Variants in GPR137C observed in about 807,000 individuals in gnomAD.
GPR137C encodes the protein integral membrane protein GPR137C.
GPR137C carries 27 observed loss-of-function variants against 43.4 expected under a neutral mutation model. That is an observed-to-expected ratio of 0.62 (90% CI 0.46 to 0.86). The LOEUF is 0.86. Among genes scored for constraint, GPR137C ranks in the 40% least tolerant of loss-of-function variants. The pLI is 0.00. For missense variants in GPR137C, 522 were observed against 534.6 expected, an observed-to-expected ratio of 0.98 and a Z score of 0.23; for synonymous variants, 285 against 226.9, an observed-to-expected ratio of 1.26 and a Z score of -2.30.
intron 1 of GPR137C, among the ~76,000 whole-genome samples, chr14:52,594,922 T>C (rs2038833109): frequency 6.6e-6 from 1 of 152,244 alleles, no homozygotes; most frequent in Admixed American, 6.5e-5. Flanking sequence ...ATTGATGATC[T>C]GTATAATTTG....
intron 3 of GPR137C, among the ~76,000 whole-genome samples, chr14:52,630,504 G>A (rs1241266109): frequency 3.3e-5 from 5 of 151,960 alleles, no homozygotes; most frequent in Admixed American, 6.6e-5. Flanking sequence ...GAAAATTTTA[G>A]CCTTAATTTT....
chr14:52,553,929 TAGC>T (rs990654480), intron 1 of GPR137C, among the ~76,000 whole-genome samples: 1 of 152,130 alleles, frequency 6.6e-6, no homozygotes, highest in African/African-American at 2.4e-5. Context: ...TCGCAAGAAG[TAGC>T]AGCCCCGGTG....
intron 3 of GPR137C, among the ~76,000 whole-genome samples, chr14:52,624,605 T>G (rs927209154): frequency 6.6e-6 from 1 of 151,552 alleles, no homozygotes; most frequent in Admixed American, 6.6e-5. Flanking sequence ...GCACCTGTAG[T>G]CCCAGCTGCT....
intron 3 of GPR137C, among the ~76,000 whole-genome samples, chr14:52,606,010 G>A (rs373143684): frequency 1.3e-5 from 2 of 152,058 alleles, no homozygotes; most frequent in African/African-American, 4.8e-5. Flanking sequence ...GTTTTTTGTT[G>A]TTTGTCTCTT....
intron 1 of GPR137C, among the ~76,000 whole-genome samples, chr14:52,575,447 A>G (rs1393847381): frequency 1.3e-5 from 2 of 152,220 alleles, no homozygotes; most frequent in East Asian, 3.8e-4. Flanking sequence ...TCGGGCATGT[A>G]AAGTTACCTA....
chr14:52,627,797 T>C (rs1166861527), intron 3 of GPR137C, among the ~76,000 whole-genome samples: 1 of 152,062 alleles, frequency 6.6e-6, no homozygotes, highest in African/African-American at 2.4e-5. Context: ...TGAGCCAAGA[T>C]CACACCACTG....
chr14:52,570,151 C>T (rs1404482901), intron 1 of GPR137C, among the ~76,000 whole-genome samples: 1 of 152,206 alleles, frequency 6.6e-6, no homozygotes, highest in Non-Finnish European at 1.5e-5. Context: ...TATCTCTCTG[C>T]AGAAACCCTA....
At position 52,553,428 on chromosome 14, in the gene GPR137C, C is replaced by G; in HGVS notation, c.281C>G (p.Ala94Gly). Residue 94 changes from alanine to glycine, a missense_variant, in exon 1 of 7, where the codon GCG becomes GGG. Around this residue, in one of 3 missense-constraint regions of GPR137C, gnomAD observed 437 missense variants for 425.7 expected, o/e 1.03. Transcript: ENST00000321662. ...CTCTTCCTCTGTCTCCTGTGGGCAG[C>G]GCTCAGGACCACCCTCTTCTCCGCC... ...LCLFLCLLWA[A>G]LRTTLFSAAF... The G allele has an allele frequency of 6.2e-7, 1 of 1,608,986 alleles. No homozygotes were observed. The highest frequency in any genetic ancestry group is 8.5e-7 in the Non-Finnish European group (1 of 1,179,808).
intron 3 of GPR137C, among the ~76,000 whole-genome samples, chr14:52,627,757 T>C (rs2139577651): frequency 6.6e-6 from 1 of 152,120 alleles, no homozygotes; most frequent in East Asian, 1.9e-4. Context: ...GGCAGGAGAA[T>C]CGCTTGAACC....
intron 1 of GPR137C, among the ~76,000 whole-genome samples, chr14:52,562,486 G>C (rs1249699911): frequency 1.3e-5 from 2 of 152,132 alleles, no homozygotes; most frequent in African/African-American, 4.8e-5. Flanking sequence ...AGCTGAGCAT[G>C]GTGGCACGTG....
intron 1 of GPR137C, among the ~76,000 whole-genome samples, chr14:52,558,430 C>G (rs1343672851): frequency 6.6e-6 from 1 of 152,130 alleles, no homozygotes; most frequent in Non-Finnish European, 1.5e-5. Context: ...CTCATTCTTG[C>G]ACAAGTTTGA....
chr14:52,555,023 T>C (rs1004956480), intron 1 of GPR137C, among the ~76,000 whole-genome samples: 4 of 151,994 alleles, frequency 2.6e-5, no homozygotes, highest in African/African-American at 9.7e-5. Flanking sequence ...TCTAATCTAG[T>C]TGTCGTTTAA....
chr14:52,611,615 C>CT, intron 3 of GPR137C: 1 of 521,618 alleles, frequency 1.9e-6, no homozygotes, highest in Non-Finnish European at 2.5e-6. Flanking sequence ...AATTAACCAA[C>CT]TTTTTTTGAC....
intron 3 of GPR137C, among the ~76,000 whole-genome samples, chr14:52,608,172 C>T (rs1049128247): frequency 6.6e-6 from 1 of 152,162 alleles, no homozygotes; most frequent in Non-Finnish European, 1.5e-5. Flanking sequence ...CTCCTCTCTT[C>T]CTTTCTTCCT....
At chr14:52,623,504 T>C (rs1206656596) in intron 3 of GPR137C, among the ~76,000 whole-genome samples, 4 of 152,176 alleles carry the variant, frequency 2.6e-5, no homozygotes, top group Non-Finnish European at 5.9e-5. Flanking sequence ...GCATTCATGA[T>C]ACCTACATCT....
chr14:52,570,064 T>A (rs2038440763), intron 1 of GPR137C, among the ~76,000 whole-genome samples: 1 of 151,784 alleles, frequency 6.6e-6, no homozygotes, highest in Non-Finnish European at 1.5e-5. Flanking sequence ...AAGGTTGAAA[T>A]GAAGGAAAAA....
intron 3 of GPR137C, among the ~76,000 whole-genome samples, chr14:52,608,463 G>C (rs1439284946): frequency 6.6e-6 from 1 of 152,094 alleles, no homozygotes; most frequent in Non-Finnish European, 1.5e-5. Flanking sequence ...CCTGTCTCTT[G>C]GTAAATTGTA....
At chr14:52,591,077 C>T (rs781316307) in intron 1 of GPR137C, among the ~76,000 whole-genome samples, 5 of 148,426 alleles carry the variant, frequency 3.4e-5, no homozygotes, top group African/African-American at 7.4e-5. Flanking sequence ...TGAGAACATG[C>T]GGTATTTGGT....
intron 3 of GPR137C, among the ~76,000 whole-genome samples, chr14:52,601,710 G>A (rs545417300): frequency 6.6e-6 from 1 of 151,904 alleles, no homozygotes; most frequent in South Asian, 2.1e-4. Flanking sequence ...AGGAGCAATG[G>A]CATCTTTATT....
Sources: gnomAD v4.1 joint callset for allele counts (sites outside exome capture counted in the v4.1 genomes callset) on GRCh38, gnomAD v4.1.1 for gene constraint, gnomAD v4.1.1 regional missense constraint, MANE v1.5 for transcripts, NCBI Gene and HGNC (gene_info 2026-07-23, HGNC 2026-07-21) for gene names.